Variants in PTPRM observed in about 807,000 individuals in gnomAD.
PTPRM encodes the protein receptor-type tyrosine-protein phosphatase mu.
A neutral mutation model predicts 186.7 loss-of-function variants in PTPRM; 47 were observed. The ratio of observed to expected loss-of-function variants is 0.25; its 90% CI spans 0.20 to 0.32. The LOEUF (loss-of-function observed/expected upper bound fraction) is 0.32, where lower values mean the gene tolerates loss of function less well. Among genes scored for constraint, PTPRM ranks in the 10% least tolerant of loss-of-function variants. The pLI is 1.00. For synonymous variants in PTPRM, 668 were observed against 674.9 expected (o/e 0.99, Z 0.16); for missense variants, 1,494 against 1,865.0 (o/e 0.80, Z 3.66).
chr18:8,231,728 G>A (rs2147160423), intron 14 of PTPRM, among the ~76,000 whole-genome samples: 1 of 152,234 alleles, frequency 6.6e-6, no homozygotes, highest in African/African-American at 2.4e-5. Flanking sequence ...TTTGAGCTAT[G>A]ACAGTTTTTC....
At chr18:7,795,879 A>T (rs1416765029) in intron 2 of PTPRM, among the ~76,000 whole-genome samples, 3 of 144,844 alleles carry the variant, frequency 2.1e-5, no homozygotes, top group African/African-American at 5.2e-5. Context: ...CAGTGGCAAG[A>T]TTATAGCTCA....
At chr18:8,282,065 A>G (rs181644256) in intron 19 of PTPRM, among the ~76,000 whole-genome samples, 196 of 152,300 alleles carry the variant, frequency 1.3e-3, no homozygotes, top group Non-Finnish European at 1.9e-3. Flanking sequence ...TAAAAAATAT[A>G]AAGAATTCTA....
At chr18:7,994,371 A>G (rs1370370438) in intron 7 of PTPRM, among the ~76,000 whole-genome samples, 1 of 152,104 alleles carries the variant, frequency 6.6e-6, no homozygotes, top group Non-Finnish European at 1.5e-5. Context: ...CGTTACAATA[A>G]CAGATGGGGA....
intron 1 of PTPRM, among the ~76,000 whole-genome samples, chr18:7,571,284 A>C (rs1306651043): frequency 6.6e-6 from 1 of 152,186 alleles, no homozygotes; most frequent in Non-Finnish European, 1.5e-5. Flanking sequence ...TTGTTAGGCA[A>C]AATAATGGAG....
intron 11 of PTPRM, among the ~76,000 whole-genome samples, chr18:8,095,836 A>G (rs2145445507): frequency 6.6e-6 from 1 of 152,306 alleles, no homozygotes; most frequent in Admixed American, 6.5e-5. Context: ...GGGTATTGTT[A>G]AAGTGAATAC....
Position 7,595,847 on chromosome 18 carries a change from G to A in PTPRM, c.73+27956G>A, listed in dbSNP as rs369616802. Reference sequence around the variant, plus strand: ...GAGGCTTGCCTGTCTGATTATTTACGTAGAACAAATCACCCTAGATATATT... The same window carrying A: ...GAGGCTTGCCTGTCTGATTATTTACATAGAACAAATCACCCTAGATATATT... On this transcript the variant is annotated intron_variant, in intron 1 of 32. Transcript: ENST00000580170. 1.7e-4 allele frequency among the ~76,000 whole-genome samples: 26 copies of A among 152,192 alleles called. No individual in the cohort carries two copies. The East Asian group carries it at 2.1e-3, about 12-fold the overall frequency.
chr18:7,593,862 A>T (rs77190704), intron 1 of PTPRM, among the ~76,000 whole-genome samples: 14,770 of 152,182 alleles, frequency 0.097, 1,025 homozygotes, highest in South Asian at 0.19. Context: ...AGAAGACCAG[A>T]CACCCACAGT....
intron 3 of PTPRM, among the ~76,000 whole-genome samples, chr18:7,892,718 TCTCACATTTCTAG>T: frequency 6.6e-6 from 1 of 152,364 alleles, no homozygotes; most frequent in Middle Eastern, 3.4e-3. Context: ...AGACAATATT[TCTCACATTTCTAG>T]TTTGAGAAGT....
chr18:8,064,238 T>C (rs1427724494), intron 7 of PTPRM, among the ~76,000 whole-genome samples: 2 of 152,208 alleles, frequency 1.3e-5, no homozygotes, highest in Non-Finnish European at 2.9e-5. Flanking sequence ...CTTTACAATT[T>C]AAGCGGAGTT....
intron 5 of PTPRM, among the ~76,000 whole-genome samples, chr18:7,935,189 C>G (rs770045804): frequency 3.7e-4 from 56 of 152,268 alleles, no homozygotes; most frequent in Middle Eastern, 3.4e-3. Flanking sequence ...TTTAACATCA[C>G]TTAGCATTCC....
chr18:8,072,268 A>G (rs1459166470), intron 8 of PTPRM, among the ~76,000 whole-genome samples: 2 of 152,210 alleles, frequency 1.3e-5, no homozygotes, highest in South Asian at 2.1e-4. Context: ...AGTCACTTCC[A>G]GATATATATT....
intron 7 of PTPRM, among the ~76,000 whole-genome samples, chr18:8,016,551 A>AAAAAG: frequency 6.6e-6 from 1 of 151,046 alleles, no homozygotes; most frequent in African/African-American, 2.5e-5. Context: ...AAAAAAGAAA[A>AAAAAG]AAAAGAAAAG....
chr18:7,956,943 A>G (rs2053352159), intron 7 of PTPRM, among the ~76,000 whole-genome samples: 1 of 152,234 alleles, frequency 6.6e-6, no homozygotes, highest in Non-Finnish European at 1.5e-5. Context: ...AGATGGTGAA[A>G]GTGAAGCCCG....
At chr18:8,088,663 A>T in intron 10 of PTPRM, 86 bp from the exon 11 acceptor site, 2 of 1,105,072 alleles carry the variant, frequency 1.8e-6, no homozygotes, top group African/African-American at 1.5e-5. Flanking sequence ...CTGTGTTCTT[A>T]ATGCTCTTTG....
rs1048686392 is a variant in PTPRM, at chr18:8,336,402, T to C, written c.2957-7021T>C. Among the ~76,000 whole-genome samples the C allele has an allele frequency of 1.3e-4, 20 of 151,816 alleles. No homozygotes were observed. The East Asian group carries it at 3.5e-3, about 27-fold the overall frequency. Reference sequence around the variant, plus strand: ...AGTGAGACCCTATCTCTACCAAAAGTACAAAAATTAGCTGGGCATAGTGCC... The same window carrying C: ...AGTGAGACCCTATCTCTACCAAAAGCACAAAAATTAGCTGGGCATAGTGCC... On this transcript the variant is annotated intron_variant, in intron 22 of 32. Transcript: ENST00000580170.
chr18:8,273,277 C>G (rs1234974591), intron 19 of PTPRM, among the ~76,000 whole-genome samples: 1 of 152,142 alleles, frequency 6.6e-6, no homozygotes, highest in African/African-American at 2.4e-5. Context: ...CCCCACCCTA[C>G]CTTTTCTTCC....
At chr18:7,704,227 G>A (rs2040026974) in intron 1 of PTPRM, among the ~76,000 whole-genome samples, 1 of 152,140 alleles carries the variant, frequency 6.6e-6, no homozygotes, top group Admixed American at 6.6e-5. Context: ...CTTTTATTTG[G>A]AATAGTTCCA....
chr18:7,937,425 A>C (rs2051888262), intron 5 of PTPRM, among the ~76,000 whole-genome samples: 1 of 152,146 alleles, frequency 6.6e-6, no homozygotes, highest in East Asian at 1.9e-4. Context: ...CCATCCCACC[A>C]CAGCCAGTGT....
chr18:8,128,082 A>G (rs747490080), intron 13 of PTPRM, among the ~76,000 whole-genome samples: 25 of 152,292 alleles, frequency 1.6e-4, no homozygotes, highest in Non-Finnish European at 2.4e-4. Flanking sequence ...AGAAGCTTCA[A>G]TTTAACCTTT....
Sources: gnomAD v4.1 joint callset for allele counts (sites outside exome capture counted in the v4.1 genomes callset) on GRCh38, gnomAD v4.1.1 for gene constraint, MANE v1.5 for transcripts, NCBI Gene and HGNC (gene_info 2026-07-23, HGNC 2026-07-21) for gene names.